Variants in RTL3 observed in about 807,000 individuals in gnomAD.
RTL3 encodes retrotransposon Gag like 3.
For missense variants in RTL3, 468 were observed against 341.8 expected (o/e 1.37, Z -2.91); for synonymous variants, 181 against 132.2 (o/e 1.37, Z -2.53).
chrX:78,657,237 T>C lies in RTL3; in HGVS notation c.1184A>G (p.Lys395Arg). The change falls in exon 2 of 2, where the codon AAG (lysine) becomes AGG (arginine). Residue 395 changes from lysine (K) to arginine (R), a missense_variant. Transcript: ENST00000321110. The part of the protein sequence containing the change: ...LITQCISLEE[K>R]PDPNPLGKSS... ...TTTCCCTAATGGATTGGGATCAGGCTTCTCTTCCAGGCTGATGCACTGAGT... is the reference window on the plus strand; with the variant it reads ...TTTCCCTAATGGATTGGGATCAGGCCTCTCTTCCAGGCTGATGCACTGAGT... 1 of 1,212,239 alleles carries C rather than the reference T, an allele frequency of 8.2e-7. No homozygotes were observed. The highest frequency in any genetic ancestry group is 1.1e-6 in the Non-Finnish European group (1 of 895,592).
In RTL3 at chrX:78,657,466, G is replaced by T; in HGVS notation, c.955C>A (p.Pro319Thr). Reference protein sequence around the residue: ...IPVLQDTFDNPENMKDANQCI... With the variant: ...IPVLQDTFDNTENMKDANQCI... ...TGGTTGGCATCTTTCATGTTTTCTG[G>T]ATTATCAAAAGTATCCTGGAGCACA... The change falls in exon 2 of 2, where the codon CCA becomes ACA. Residue 319 changes from proline to threonine, a missense_variant. By Grantham distance (38) the Pro-to-Thr change is conservative. Coordinates refer to ENST00000321110, the MANE Select transcript of RTL3 (RefSeq NM_152694.3). The T allele has an allele frequency of 8.3e-7, 1 of 1,209,030 alleles. No homozygotes were observed. The highest frequency in any genetic ancestry group is 1.1e-6 in the Non-Finnish European group (1 of 894,042).
rs1428265745 is a variant in RTL3 at position 78,657,367 on chromosome X, A to T, written c.1054T>A (p.Trp352Arg). The change falls in exon 2 of 2, where the codon TGG becomes AGG. Residue 352 changes from tryptophan to arginine, a missense_variant. Coordinates refer to ENST00000321110, the MANE Select transcript of RTL3 (RefSeq NM_152694.3). ...TGGATCCAGAGAGTGCTTTCATCCC[A>T]GTTCAGCTCTTGAGCAATGAGGTGG... Reference protein sequence around the residue: ...HFHLIAQELNWDESTLWIQFQ... With the variant: ...HFHLIAQELNRDESTLWIQFQ... 1.7e-6 allele frequency: 2 copies of T among 1,210,265 alleles called. No homozygotes were observed. Among genetic ancestry groups the T allele is most frequent in the African/African-American group, 3.5e-5 (2 of 57,196 alleles).
rs745898539 is a variant in RTL3 at position 78,657,512 on chromosome X, C to T, written c.909G>A (p.Glu303=). Residue 303 remains glutamate (E), a synonymous_variant, in exon 2 of 2, where the codon GAG becomes GAA. Transcript: ENST00000321110. ...LLLDIQSPLL[E]QCESFIPVLQ... The stretch of plus-strand genomic sequence containing the variant: ...GCACAGGTATGAAACTTTCACATTG[C>T]TCCAGTAAGGGGCTTTGGATATCCA... 1.7e-5 allele frequency: 21 copies of T among 1,206,839 alleles called. No individual in the cohort carries two copies. Among genetic ancestry groups the T allele is most frequent in the Non-Finnish European group, 1.1e-5 (10 of 892,813 alleles).
chrX:78,657,967 C>T lies in RTL3; in HGVS notation c.454G>A (p.Glu152Lys), dbSNP rs111494751. ...ANTQDATIAQ[E>K]PKNSEPQDPP... ...TCCTGGGGTTCTGAATTCTTGGGCT[C>T]TTGGGCTATTGTGGCATCCTGGGTG... is the stretch of plus-strand genomic sequence containing the variant. The change falls in exon 2 of 2, where the codon GAG becomes AAG. Residue 152 changes from glutamate (E) to lysine (K), a missense_variant. Coordinates refer to ENST00000321110, the MANE Select transcript of RTL3 (RefSeq NM_152694.3). 9.6e-5 allele frequency: 116 copies of T among 1,204,965 alleles called. No individual in the cohort carries two copies. In the African/African-American group the frequency reaches 1.5e-3, roughly 15 times the overall value.
chrX:78,659,109 G>A (rs1310134554), intron 1 of RTL3, among the ~76,000 whole-genome samples, 152 bp downstream of exon 1: 1 of 104,909 alleles, frequency 9.5e-6, no homozygotes, highest in African/African-American at 3.5e-5. Flanking sequence ...TACCACATAA[G>A]TAACCACACA....
In RTL3 at chrX:78,658,525, A is replaced by C. The variant is rs1923069100; in HGVS notation, c.-105T>G. 6 of 830,431 alleles carry C rather than the reference A, an allele frequency of 7.2e-6. No homozygotes were observed. Among genetic ancestry groups the C allele is most frequent in the Non-Finnish European group, 9.9e-6 (6 of 607,004 alleles). 68.4% of individuals were successfully genotyped at this position (830,431 alleles called of 1,213,427 possible). A position where few individuals can be genotyped will look rare whatever the true frequency, so the allele number is the denominator to read the frequency against. On this transcript the variant is annotated 5_prime_UTR_variant, in exon 2 of 2. Transcript: ENST00000321110. Reference sequence around the variant, plus strand: ...CTGCTTACAGGCAGATGTCAGGCTCAGTGAGTTTTCCAAGGGGTGGTATTT... The same window carrying C: ...CTGCTTACAGGCAGATGTCAGGCTCCGTGAGTTTTCCAAGGGGTGGTATTT...
At position 78,657,644 on chromosome X, in the gene RTL3, A is replaced by C. The variant is rs201174792; in HGVS notation, c.777T>G (p.Tyr259Ter). The C allele has an allele frequency of 8.3e-7, 1 of 1,207,655 alleles. No individual in the cohort carries two copies. The highest frequency in any genetic ancestry group is 1.1e-6 in the Non-Finnish European group (1 of 893,416). The change falls in exon 2 of 2, where the codon TAT becomes TAG. Residue 259 changes from tyrosine (Y) to a stop codon, truncating the protein, a stop_gained. Coordinates refer to ENST00000321110, the MANE Select transcript of RTL3 (RefSeq NM_152694.3). LOFTEE classifies it low-confidence loss of function (END_TRUNC). ...QKLPEFLVQL[Y>*]SYMRVRGHLY... is the part of the protein sequence containing the mutation. ...GGTGCCCTCTGACTCTCATGTAACT[A>C]TACAGCTGAACCAGGAACTCAGGAA...
In RTL3 at chrX:78,657,811, A is replaced by G. The variant is rs1923040598; in HGVS notation, c.610T>C (p.Ser204Pro). The stretch of plus-strand genomic sequence containing the variant: ...CCCTCCAGGGACTCCTGGGCTGCTG[A>G]GAGTTCTAGGAATTCCTGGGCATTT... ...PSNAQEFLEL[S>P]AAQESLEGLI... Residue 204 changes from serine to proline, a missense_variant, in exon 2 of 2, where the codon TCA becomes CCA. By Grantham distance (74) the Ser-to-Pro change is moderately conservative. Coordinates refer to ENST00000321110, the MANE Select transcript of RTL3 (RefSeq NM_152694.3). 8.3e-7 allele frequency: 1 copy of G among 1,211,075 alleles called. No homozygotes were observed. Among genetic ancestry groups the G allele is most frequent in the Non-Finnish European group, 1.1e-6 (1 of 895,294 alleles).
rs897099541 is a variant in RTL3, at chrX:78,659,249, A to C, written c.-229+12T>G. On this transcript the variant is annotated intron_variant, in intron 1 of 1. Coordinates refer to ENST00000321110, the MANE Select transcript of RTL3 (RefSeq NM_152694.3). ...AATAGTTAAGAAAATAATCTTTATA[A>C]ATGTACGTTACCATTCAGAGACTTA... The C allele has an allele frequency of 1.0e-4, 11 of 109,911 alleles. 1 individual carries two copies. The highest frequency in any genetic ancestry group is 3.7e-4 in the African/African-American group (11 of 30,127). The allele number at this position is 109,911 out of a possible 1,213,427, so 9.1% of individuals were successfully genotyped here.
rs764070612 is a variant in RTL3 at position 78,658,088 on chromosome X, G to T, written c.333C>A (p.Ala111=). ...TTGCTGGAGGCGCCAGGGACTCTGG[G>T]GCTGCTGGGGCCTCCTGGAGTTCCC... The part of the protein sequence containing the change: ...AAWELQEAPA[A]PESLAPPATR... Residue 111 remains alanine, a synonymous_variant, in exon 2 of 2, where the codon GCC becomes GCA. Coordinates refer to ENST00000321110, the MANE Select transcript of RTL3 (RefSeq NM_152694.3). 8 of 1,151,029 alleles carry T rather than the reference G, an allele frequency of 7.0e-6. No individual in the cohort carries two copies. The South Asian group carries it at 1.5e-4, about 22-fold the overall frequency. The allele number at this position is 1,151,029 out of a possible 1,213,427, so 94.9% of individuals were successfully genotyped here.
At position 78,657,414 on chromosome X, in the gene RTL3, TC is replaced by T; in HGVS notation, c.1006del (p.Glu336ArgfsTer4). The T allele has an allele frequency of 8.3e-7, 1 of 1,211,687 alleles. No homozygotes were observed. On this transcript the variant is annotated frameshift_variant, in exon 2 of 2. Coordinates refer to ENST00000321110, the MANE Select transcript of RTL3 (RefSeq NM_152694.3). LOFTEE classifies it low-confidence loss of function (END_TRUNC). Reference protein sequence around the residue: ...NQCIHQLCQGEGHVATHFHLI... With the variant: ...NQCIHQLCQGXGHVATHFHLI... ...GTGGAAGTGGGTTGCTACATGACCC[TC>T]CCCTTGGCAGAGTTGATGGATGCAC... is the stretch of plus-strand genomic sequence containing the variant.
In RTL3 at chrX:78,658,469, G is replaced by T. The variant is rs2094049615; in HGVS notation, c.-49C>A. 1.9e-6 allele frequency: 2 copies of T among 1,076,753 alleles called. No individual in the cohort carries two copies. The highest frequency in any genetic ancestry group is 1.8e-5 in the African/African-American group (1 of 54,246). 88.7% of individuals were successfully genotyped at this position (1,076,753 alleles called of 1,213,427 possible). ...TGACAATTTGCTACCAAGAGAGATTGGGTGGGTGTTTGTGAGATCCTTCCT... is the reference window on the plus strand; with the variant it reads ...TGACAATTTGCTACCAAGAGAGATTTGGTGGGTGTTTGTGAGATCCTTCCT... On this transcript the variant is annotated 5_prime_UTR_variant, in exon 2 of 2. Coordinates refer to ENST00000321110, the MANE Select transcript of RTL3 (RefSeq NM_152694.3).
chrX:78,656,168 T>G lies in RTL3; in HGVS notation c.*825A>C, dbSNP rs926594715. The G allele has an allele frequency of 7.1e-5, 8 of 112,255 alleles. No individual in the cohort carries two copies. In the Admixed American group the frequency reaches 7.6e-4, roughly 11 times the overall value. The allele number at this position is 112,255 out of a possible 1,213,427, so 9.3% of individuals were successfully genotyped here. ...GCCATTTTTGTGATATAGAAAATATTGATAAGAAAAAAATCAAGTCAGTTT... is the reference window on the plus strand; with the variant it reads ...GCCATTTTTGTGATATAGAAAATATGGATAAGAAAAAAATCAAGTCAGTTT... On this transcript the variant is annotated 3_prime_UTR_variant, in exon 2 of 2. Transcript: ENST00000321110.
At position 78,657,189 on chromosome X, in the gene RTL3, C is replaced by CCAT. The variant is rs1923013526; in HGVS notation, c.1229_1231dup (p.Asp410dup). The CCAT allele has an allele frequency of 1.7e-6, 2 of 1,210,863 alleles. No individual in the cohort carries two copies. Among genetic ancestry groups the CCAT allele is most frequent in the Non-Finnish European group, 1.1e-6 (1 of 895,419 alleles). On this transcript the variant is annotated inframe_insertion, in exon 2 of 2. Transcript: ENST00000321110. Reference sequence around the variant, plus strand: ...GTTTTCAGCTGGTGGACTCTCGGGTCCATCTCCCTCTGCAGAGGAACTTTT... The same window carrying CCAT: ...GTTTTCAGCTGGTGGACTCTCGGGTCCATCATCTCCCTCTGCAGAGGAACTTTT...
In RTL3 at chrX:78,658,008, C is replaced by A. The variant is rs1403744066; in HGVS notation, c.413G>T (p.Gly138Val). 2.5e-6 allele frequency: 3 copies of A among 1,180,926 alleles called. No individual in the cohort carries two copies. Among genetic ancestry groups the A allele is most frequent in the Non-Finnish European group, 3.4e-6 (3 of 884,280 alleles). The change falls in exon 2 of 2, where the codon GGC (glycine) becomes GTC (valine). Residue 138 changes from glycine to valine, a missense_variant. Transcript: ENST00000321110. ...ATCCTGGGTGTTTGCAGGCCCCTGG[C>A]CCTCCAAGACTGTTGGGATCTCATG... ...MAHEIPTVLE[G>V]QGPANTQDAT...
Position 78,657,245 on chromosome X carries a change from C to T in RTL3, c.1176G>A (p.Leu392=). The part of the protein sequence containing the change: ...LSDLITQCIS[L]EEKPDPNPLG... ...ATGGATTGGGATCAGGCTTCTCTTC[C>T]AGGCTGATGCACTGAGTGATGAGAT... Residue 392 remains leucine (L), a synonymous_variant, in exon 2 of 2, where the codon CTG becomes CTA. Coordinates refer to ENST00000321110, the MANE Select transcript of RTL3 (RefSeq NM_152694.3). 8.3e-7 allele frequency: 1 copy of T among 1,211,996 alleles called. No homozygotes were observed. The highest frequency in any genetic ancestry group is 1.8e-5 in the South Asian group (1 of 56,989).
chrX:78,659,002 A>G (rs2147456818), intron 1 of RTL3, among the ~76,000 whole-genome samples: 1 of 110,173 alleles, frequency 9.1e-6, no homozygotes, highest in African/African-American at 3.3e-5. Flanking sequence ...GCAATGTGGG[A>G]ATTTTAGGCT....
chrX:78,656,911 A>G lies in RTL3; in HGVS notation c.*82T>C. On this transcript the variant is annotated 3_prime_UTR_variant, in exon 2 of 2. Coordinates refer to ENST00000321110, the MANE Select transcript of RTL3 (RefSeq NM_152694.3). Reference sequence around the variant, plus strand: ...TTATCTTCTTCCCAGTTGGATTTCAACAGTAAGCCATAGTGTATGAGACAT... The same window carrying G: ...TTATCTTCTTCCCAGTTGGATTTCAGCAGTAAGCCATAGTGTATGAGACAT... 1 of 958,495 alleles carries G rather than the reference A, an allele frequency of 1.0e-6. No individual in the cohort carries two copies. The highest frequency in any genetic ancestry group is 1.4e-6 in the Non-Finnish European group (1 of 716,562). 79.0% of individuals were successfully genotyped at this position (958,495 alleles called of 1,213,427 possible).
rs1405144567 is a variant in RTL3, at chrX:78,657,557, T to C, written c.864A>G (p.Gly288=). ...TATCCAGTAAGAGCTGGAACCACCA[T>C]CCTGCCCTACCTGAGAAGCAATTGC... ...FVGNCFSGRA[G]WWFQLLLDIQ... is the part of the protein sequence containing the mutation. The change falls in exon 2 of 2, where the codon GGA becomes GGG. Residue 288 remains glycine, a synonymous_variant. Transcript: ENST00000321110. 8.3e-7 allele frequency: 1 copy of C among 1,207,252 alleles called. No homozygotes were observed. The highest frequency in any genetic ancestry group is 1.8e-5 in the South Asian group (1 of 55,993).
Sources: gnomAD v4.1 joint callset for allele counts (sites outside exome capture counted in the v4.1 genomes callset) on GRCh38, gnomAD v4.1.1 for gene constraint, MANE v1.5 for transcripts, NCBI Gene and HGNC (gene_info 2026-07-23, HGNC 2026-07-21) for gene names.